The following TMEM131 variants were observed in gnomAD, a reference collection of about 807,000 sequenced individuals.
TMEM131 encodes the protein transmembrane protein 131.
A neutral mutation model predicts 211.6 loss-of-function variants in TMEM131; 66 were observed. That is an observed-to-expected ratio of 0.31 (90% CI 0.26 to 0.38). The LOEUF is 0.38. TMEM131 is among the 10% of genes least tolerant of loss of function. The probability of loss-of-function intolerance (pLI) is 1.00; values close to 1 mark genes in which losing one functional copy is unlikely to be tolerated. For missense variants in TMEM131, 2,036 were observed against 2,299.3 expected, an observed-to-expected ratio of 0.89 and a Z score of 2.34; for synonymous variants, 844 against 841.3, an observed-to-expected ratio of 1.00 and a Z score of -0.06.
chr2:97,802,319 C>T, intron 24 of TMEM131, 109 bp downstream of exon 24: 1 of 860,224 alleles, frequency 1.2e-6, no homozygotes, highest in Non-Finnish European at 1.8e-6. Context: ...TCCAGAACTT[C>T]TCGTCAAATC....
intron 1 of TMEM131, among the ~76,000 whole-genome samples, chr2:97,975,797 G>A (rs1679503679): frequency 7.7e-6 from 1 of 130,594 alleles, no homozygotes; most frequent in African/African-American, 3.0e-5. Context: ...ATACTGAAAG[G>A]GAAGGTATTA....
chr2:97,920,483 T>C (rs1232919300), intron 2 of TMEM131, among the ~76,000 whole-genome samples: 2 of 152,184 alleles, frequency 1.3e-5, no homozygotes, highest in Non-Finnish European at 2.9e-5. Flanking sequence ...ACAGTTGATT[T>C]TGAGTGCCAA....
intron 3 of TMEM131, among the ~76,000 whole-genome samples, 152 bp from the exon 4 acceptor site, chr2:97,888,272 T>C (rs1023312968): frequency 3.3e-5 from 5 of 152,222 alleles, no homozygotes; most frequent in African/African-American, 1.2e-4. Context: ...ACTTTTTAAA[T>C]TAGCAGAAAC....
chr2:97,878,549 G>A (rs1380532163), intron 4 of TMEM131, among the ~76,000 whole-genome samples: 1 of 152,182 alleles, frequency 6.6e-6, no homozygotes, highest in Non-Finnish European at 1.5e-5. Flanking sequence ...CCTTTGCAGG[G>A]ACATGGATGA....
intron 22 of TMEM131, among the ~76,000 whole-genome samples, chr2:97,804,167 A>T (rs1045548629): frequency 6.6e-6 from 1 of 152,208 alleles, no homozygotes; most frequent in Non-Finnish European, 1.5e-5. Context: ...CAGCTGCCAT[A>T]CTATCATTAT....
intron 4 of TMEM131, among the ~76,000 whole-genome samples, chr2:97,862,688 G>C (rs1253786817): frequency 8.6e-5 from 13 of 151,920 alleles, no homozygotes; most frequent in Admixed American, 8.5e-4. Context: ...TACAGTCAGA[G>C]GAGAGAAAAC....
intron 2 of TMEM131, among the ~76,000 whole-genome samples, chr2:97,919,499 G>A (rs1033846586): frequency 3.3e-5 from 5 of 152,158 alleles, no homozygotes; most frequent in African/African-American, 9.7e-5. Context: ...TAAGTCAGCT[G>A]TCAGGCTAAT....
chr2:97,842,854 C>T (rs894148725), intron 6 of TMEM131, among the ~76,000 whole-genome samples: 9 of 152,110 alleles, frequency 5.9e-5, no homozygotes, highest in East Asian at 3.8e-4. Flanking sequence ...TTACTCAACA[C>T]GTACATGCTA....
At chr2:97,831,209 C>T (rs973828346) in intron 11 of TMEM131, among the ~76,000 whole-genome samples, 6 of 152,182 alleles carry the variant, frequency 3.9e-5, no homozygotes, top group Admixed American at 6.5e-5. Context: ...GCTACAGTGA[C>T]CTTTTACAAC....
At chr2:97,836,968 GA>G (rs1682969435) in intron 8 of TMEM131, 108 bp downstream of exon 8, 2 of 815,958 alleles carry the variant, frequency 2.5e-6, no homozygotes, top group East Asian at 5.5e-5. Flanking sequence ...AACGATTAAA[GA>G]GAAGTCATCC....
intron 28 of TMEM131, among the ~76,000 whole-genome samples, chr2:97,795,457 C>CT (rs1277350054): frequency 1.3e-5 from 2 of 152,074 alleles, no homozygotes; most frequent in South Asian, 2.1e-4. Context: ...CCAATAATGT[C>CT]TTTTTTAAAA....
At chr2:97,833,322 CAAA>C (rs1361602316) in intron 11 of TMEM131, 40 bp downstream of exon 11, 1 of 925,302 alleles carries the variant, frequency 1.1e-6, no homozygotes, top group African/African-American at 1.7e-5. Flanking sequence ...CATTTAAAAA[CAAA>C]GAATATATAA....
Position 97,935,386 on chromosome 2 carries a change from A to G in TMEM131, c.188-7899T>C, listed in dbSNP as rs572541048. ...ACAGGATCTCTCTGTATAACTTCTT[A>G]TAACAGTGTATGATTCTAAAATGAT... is the stretch of plus-strand genomic sequence containing the variant. On this transcript the variant is annotated intron_variant, in intron 1 of 40. Transcript: ENST00000186436. Among the ~76,000 whole-genome samples, 194 of 152,326 alleles carry G rather than the reference A, an allele frequency of 1.3e-3. 1 individual carries two copies. Among genetic ancestry groups the G allele is most frequent in the Admixed American group, 0.011 (171 of 15,302 alleles).
chr2:97,925,245 G>C (rs1573565775), intron 2 of TMEM131, among the ~76,000 whole-genome samples: 1 of 152,236 alleles, frequency 6.6e-6, no homozygotes, highest in African/African-American at 2.4e-5. Flanking sequence ...GCTTGTAAAT[G>C]AAAGAATCTT....
chr2:97,902,375 A>G (rs1675891995), intron 3 of TMEM131, among the ~76,000 whole-genome samples: 1 of 152,196 alleles, frequency 6.6e-6, no homozygotes, highest in African/African-American at 2.4e-5. Context: ...GAACAAATCA[A>G]TACACTTACT....
chr2:97,792,449 G>A lies in TMEM131; in HGVS notation c.4081C>T (p.His1361Tyr). The change falls in exon 31 of 41, where the codon CAT (histidine) becomes TAT (tyrosine). Residue 1361 changes from histidine to tyrosine, a missense_variant. Transcript: ENST00000186436. ...AACACTTCTAGGGCTGGGGAGTCAT[G>A]GTGGTCGAAGTCTTTGTCCATGGCT... Reference protein sequence around the residue: ...IEAMDKDFDHHDSPALEVFTE... With the variant: ...IEAMDKDFDHYDSPALEVFTE... 1 of 1,613,264 alleles carries A rather than the reference G, an allele frequency of 6.2e-7. No individual in the cohort carries two copies. The highest frequency in any genetic ancestry group is 1.1e-5 in the South Asian group (1 of 90,924).
At chr2:97,968,431 T>G (rs1482628391) in intron 1 of TMEM131, among the ~76,000 whole-genome samples, 2 of 152,200 alleles carry the variant, frequency 1.3e-5, no homozygotes, top group African/African-American at 4.8e-5. Flanking sequence ...CCTGTCAGTG[T>G]GTAATTCAAC....
In TMEM131 at chr2:97,815,184, T is replaced by C; in HGVS notation, c.1292+15A>G. Reference sequence around the variant, plus strand: ...TAGTAAAAAGTAATAGAATTTATTTTAAAAAGAAACTCACCCATCTAAAAC... The same window carrying C: ...TAGTAAAAAGTAATAGAATTTATTTCAAAAAGAAACTCACCCATCTAAAAC... On this transcript the variant is annotated intron_variant, in intron 13 of 40. Coordinates refer to ENST00000186436, the MANE Select transcript of TMEM131 (RefSeq NM_015348.2). 7.1e-7 allele frequency: 1 copy of C among 1,404,742 alleles called. No individual in the cohort carries two copies. Among genetic ancestry groups the C allele is most frequent in the South Asian group, 1.4e-5 (1 of 70,820 alleles). 87.0% of individuals were successfully genotyped at this position (1,404,742 alleles called of 1,614,324 possible). A position where few individuals can be genotyped will look rare whatever the true frequency, so the allele number is the denominator to read the frequency against.
intron 2 of TMEM131, among the ~76,000 whole-genome samples, chr2:97,922,422 CAA>C (rs1188840531): frequency 6.6e-6 from 1 of 152,080 alleles, no homozygotes; most frequent in African/African-American, 2.4e-5. Context: ...TTATGTTCAC[CAA>C]GAGACAGCAT....
Sources: gnomAD v4.1 joint callset for allele counts (sites outside exome capture counted in the v4.1 genomes callset) on GRCh38, gnomAD v4.1.1 for gene constraint, MANE v1.5 for transcripts, NCBI Gene and HGNC (gene_info 2026-07-23, HGNC 2026-07-21) for gene names.